Variants in PROX1 observed in about 807,000 individuals in gnomAD.
The protein encoded by PROX1 is prospero homeobox 1.
PROX1 carries 7 observed loss-of-function variants against 58.8 expected under a neutral mutation model. The ratio of observed to expected loss-of-function variants is 0.12; its 90% CI spans 0.07 to 0.22. The LOEUF is 0.22. Ranked by LOEUF, PROX1 falls within the 10% of genes least tolerant of loss-of-function variation. The probability of loss-of-function intolerance (pLI) is 1.00; values close to 1 mark genes in which losing one functional copy is unlikely to be tolerated. For missense variants in PROX1, 675 were observed against 927.8 expected (o/e 0.73, Z 3.54); for synonymous variants, 350 against 358.3 (o/e 0.98, Z 0.26).
upstream of PROX1, chr1:213,984,588 C>T (rs1277072862): frequency 6.6e-6 from 1 of 152,362 alleles, no homozygotes; most frequent in East Asian, 1.9e-4. Context: ...CCAGGTTGGG[C>T]TTGGCGTCAC....
intron 1 of PROX1, among the ~76,000 whole-genome samples, chr1:213,989,337 G>C (rs1380987548): frequency 6.6e-6 from 1 of 151,694 alleles, no homozygotes; most frequent in Non-Finnish European, 1.5e-5. Context: ...GGCTCGGGGG[G>C]TCGCGTGGCG....
chr1:213,988,925 G>A (rs2102674828), intron 1 of PROX1, among the ~76,000 whole-genome samples: 1 of 151,978 alleles, frequency 6.6e-6, no homozygotes, highest in South Asian at 2.1e-4. Flanking sequence ...ACCGCGAGAG[G>A]GACCGGGTCG....
chr1:214,027,310 C>G (rs1266245750), intron 4 of PROX1, among the ~76,000 whole-genome samples: 1 of 151,710 alleles, frequency 6.6e-6, no homozygotes, highest in African/African-American at 2.4e-5. Context: ...CTCAAACTCA[C>G]TAGAGAGTTT....
At chr1:214,010,406 A>G (rs1298209038) in intron 3 of PROX1, among the ~76,000 whole-genome samples, 1 of 152,094 alleles carries the variant, frequency 6.6e-6, no homozygotes, top group Non-Finnish European at 1.5e-5. Flanking sequence ...CCCAATACAC[A>G]CTTTAGCTGT....
At chr1:214,035,519 C>T (rs1470142695) in intron 4 of PROX1, 130 bp from the exon 5 acceptor site, 1 of 813,660 alleles carries the variant, frequency 1.2e-6, no homozygotes, top group African/African-American at 1.7e-5. Flanking sequence ...TAGAAGCCAG[C>T]TATTTTTAGA....
intron 3 of PROX1, 137 bp downstream of exon 3, chr1:214,005,409 C>G (rs1663672366): frequency 4.4e-6 from 3 of 685,544 alleles, no homozygotes; most frequent in Non-Finnish European, 7.2e-6. Flanking sequence ...ATGCACTTGT[C>G]TTTTTGTCTA....
chr1:214,011,092 A>G (rs1371077530), intron 3 of PROX1, among the ~76,000 whole-genome samples: 2 of 152,148 alleles, frequency 1.3e-5, no homozygotes, highest in Non-Finnish European at 2.9e-5. Flanking sequence ...AAAAAAAAAA[A>G]GTATATCAAA....
intron 3 of PROX1, among the ~76,000 whole-genome samples, chr1:214,009,573 C>T (rs938345318): frequency 6.6e-6 from 1 of 152,156 alleles, no homozygotes; most frequent in African/African-American, 2.4e-5. Context: ...TCGCTTGCCT[C>T]ATGTTTGGGG....
chr1:213,996,267 AATCTTAATCC>A, intron 1 of PROX1, among the ~76,000 whole-genome samples, 192 bp from the exon 2 acceptor site: 1 of 152,156 alleles, frequency 6.6e-6, no homozygotes, highest in African/African-American at 2.4e-5. Context: ...ATTTTTTTTT[AATCTTAATCC>A]ATCTTAAACC....
intron 2 of PROX1, among the ~76,000 whole-genome samples, chr1:214,000,027 GTCTC>G (rs900813632): frequency 7.7e-6 from 1 of 130,262 alleles, no homozygotes; most frequent in South Asian, 2.3e-4. Context: ...GGTTCTTTCT[GTCTC>G]TCTCTCTCTC....
rs944526158 is a variant in PROX1, at chr1:214,039,457, A to C, written c.*3623A>C. On this transcript the variant is annotated 3_prime_UTR_variant, in exon 5 of 5. Transcript: ENST00000366958. ...ATCATTTAAAAAAATTTAAAACAAC[A>C]AAAAAAAAGCAAAACAGAAACACTA... 3 of 148,560 alleles carry C rather than the reference A, an allele frequency of 2.0e-5. No homozygotes were observed. Among genetic ancestry groups the C allele is most frequent in the Admixed American group, 6.7e-5 (1 of 14,992 alleles). 9.2% of individuals were successfully genotyped at this position (148,560 alleles called of 1,614,324 possible). A position where few individuals can be genotyped will look rare whatever the true frequency, so the allele number is the denominator to read the frequency against.
Position 214,002,518 on chromosome 1 carries a change from G to T in PROX1, c.1726-2647G>T, listed in dbSNP as rs1663558664. On this transcript the variant is annotated intron_variant, in intron 2 of 4. Coordinates refer to ENST00000366958, the MANE Select transcript of PROX1 (RefSeq NM_001270616.2). ...TGTCATCTGTCTTCACAAAGCTATG[G>T]CTAAGAGAATTGAGGCACAGCCACA... 2.0e-5 allele frequency among the ~76,000 whole-genome samples: 3 copies of T among 149,392 alleles called. No homozygotes were observed. In the Admixed American group the frequency reaches 2.1e-4, roughly 10 times the overall value.
chr1:214,033,075 C>G (rs1204519218), intron 4 of PROX1, among the ~76,000 whole-genome samples: 1 of 152,124 alleles, frequency 6.6e-6, no homozygotes, highest in Non-Finnish European at 1.5e-5. Flanking sequence ...TGAACAATGC[C>G]TGCCCTTCCC....
In PROX1 at chr1:214,036,783, G is replaced by A. The variant is rs1256222860; in HGVS notation, c.*949G>A. The A allele has an allele frequency of 6.6e-6, 1 of 152,140 alleles. No individual in the cohort carries two copies. The highest frequency in any genetic ancestry group is 1.5e-5 in the Non-Finnish European group (1 of 68,038). The allele number at this position is 152,140 out of a possible 1,614,324, so 9.4% of individuals were successfully genotyped here. On this transcript the variant is annotated 3_prime_UTR_variant, in exon 5 of 5. Coordinates refer to ENST00000366958, the MANE Select transcript of PROX1 (RefSeq NM_001270616.2). ...ACTATTTTCTGAATACTTCCTTCCA[G>A]TAAGGAATAAAGGAAAGCCCAACTT... is the stretch of plus-strand genomic sequence containing the variant.
intron 4 of PROX1, among the ~76,000 whole-genome samples, chr1:214,024,517 C>T (rs1261557508): frequency 2.0e-5 from 3 of 152,178 alleles, no homozygotes; most frequent in Non-Finnish European, 4.4e-5. Flanking sequence ...TGATTTCCTA[C>T]CATCTGTATC....
Position 214,039,830 on chromosome 1 carries a change from CA to C in PROX1, c.*3999del, listed in dbSNP as rs1491019092. ...ACACACACACACACACACACACACACAAACACACACACTGTCATAAAGCTAA... is the reference window on the plus strand; with the variant it reads ...ACACACACACACACACACACACACACAACACACACACTGTCATAAAGCTAA... On this transcript the variant is annotated 3_prime_UTR_variant, in exon 5 of 5. Coordinates refer to ENST00000366958, the MANE Select transcript of PROX1 (RefSeq NM_001270616.2). The C allele has an allele frequency of 6.9e-6, 1 of 144,068 alleles. No homozygotes were observed. The highest frequency in any genetic ancestry group is 2.9e-5 in the African/African-American group (1 of 34,394). 8.9% of individuals were successfully genotyped at this position (144,068 alleles called of 1,614,324 possible).
At position 213,998,200 on chromosome 1, in the gene PROX1, A is replaced by G; in HGVS notation, c.1665A>G (p.Ile555Met). ...CCGAAGGGCTCTCCTTGTCGCTCAT[A>G]AAGTCCGAGTGCGGCGATCTTCAAG... ...STAEGLSLSL[I>M]KSECGDLQDM... Residue 555 changes from isoleucine (I) to methionine (M), a missense_variant, in exon 2 of 5, where the codon ATA becomes ATG. Ile to Met is a conservative substitution (Grantham distance 10). Coordinates refer to ENST00000366958, the MANE Select transcript of PROX1 (RefSeq NM_001270616.2). The G allele has an allele frequency of 6.2e-7, 1 of 1,611,160 alleles. No individual in the cohort carries two copies.
chr1:214,033,118 T>G (rs1664715421), intron 4 of PROX1, among the ~76,000 whole-genome samples: 1 of 152,138 alleles, frequency 6.6e-6, no homozygotes, highest in Non-Finnish European at 1.5e-5. Context: ...CCTGTGCAGT[T>G]CTTGGTGTGG....
At chr1:214,016,153 T>A (rs1664087047) in intron 4 of PROX1, among the ~76,000 whole-genome samples, 1 of 152,016 alleles carries the variant, frequency 6.6e-6, no homozygotes, top group South Asian at 2.1e-4. Context: ...TTTGAATGTG[T>A]TTTCTTACTT....
Sources: allele counts gnomAD v4.1 joint callset (sites outside exome capture counted in the v4.1 genomes callset), GRCh38; gene constraint gnomAD v4.1.1; transcripts MANE v1.5; gene names NCBI Gene and HGNC (gene_info 2026-07-23, HGNC 2026-07-21).